DLG2: variants seen among roughly 807,000 people sequenced by gnomAD.
The protein encoded by DLG2 is disks large homolog 2.
DLG2 carries 45 observed loss-of-function variants against 132.5 expected under a neutral mutation model. The ratio of observed to expected loss-of-function variants is 0.34; its 90% CI spans 0.27 to 0.44. DLG2 has a LOEUF of 0.44. Among genes scored for constraint, DLG2 ranks in the 20% least tolerant of loss-of-function variants. The probability of loss-of-function intolerance (pLI) is 1.00; values close to 1 mark genes in which losing one functional copy is unlikely to be tolerated. For missense variants in DLG2, 1,045 were observed against 1,196.9 expected, an observed-to-expected ratio of 0.87 and a Z score of 1.87; for synonymous variants, 424 against 419.6, an observed-to-expected ratio of 1.01 and a Z score of -0.13.
chr11:83,873,986 T>C (rs2064015583), intron 16 of DLG2, among the ~76,000 whole-genome samples: 1 of 152,156 alleles, frequency 6.6e-6, no homozygotes, highest in Non-Finnish European at 1.5e-5. Context: ...TGAAGCCCTC[T>C]GGAGGGCAAG....
At chr11:85,341,590 G>A (rs531721654) in intron 3 of DLG2, among the ~76,000 whole-genome samples, 13 of 152,164 alleles carry the variant, frequency 8.5e-5, no homozygotes, top group Admixed American at 2.6e-4. Flanking sequence ...CCTTAGTCCC[G>A]ATCTTAGTAA....
intron 3 of DLG2, among the ~76,000 whole-genome samples, chr11:85,330,841 T>A (rs2081675741): frequency 6.6e-6 from 1 of 151,552 alleles, no homozygotes; most frequent in African/African-American, 2.4e-5. Flanking sequence ...TAAATTTTTT[T>A]ATTTCTTTTC....
intron 7 of DLG2, among the ~76,000 whole-genome samples, chr11:84,521,065 G>A (rs1448467339): frequency 6.6e-6 from 1 of 152,156 alleles, no homozygotes. Context: ...TATCTCATCA[G>A]AATTTACACA....
At chr11:84,046,696 A>G (rs1232119839) in intron 11 of DLG2, among the ~76,000 whole-genome samples, 1 of 151,498 alleles carries the variant, frequency 6.6e-6, no homozygotes, top group African/African-American at 2.4e-5. Context: ...ATCAACCTTT[A>G]TTTTGCAATT....
At chr11:85,040,123 T>C (rs2061732362) in intron 6 of DLG2, among the ~76,000 whole-genome samples, 1 of 151,902 alleles carries the variant, frequency 6.6e-6, no homozygotes, top group South Asian at 2.1e-4. Flanking sequence ...AGATCATAAA[T>C]TATAACCCTA....
chr11:83,989,975 A>C (rs1240725912), intron 11 of DLG2, among the ~76,000 whole-genome samples: 1 of 152,198 alleles, frequency 6.6e-6, no homozygotes, highest in African/African-American at 2.4e-5. Flanking sequence ...ACATGATGAC[A>C]AACTAGTCCA....
chr11:85,558,182 G>A (rs2077037064), intron 3 of DLG2, among the ~76,000 whole-genome samples: 1 of 151,728 alleles, frequency 6.6e-6, no homozygotes, highest in African/African-American at 2.4e-5. Context: ...ACACACAAGT[G>A]GCCAACAAAC....
intron 6 of DLG2, among the ~76,000 whole-genome samples, chr11:84,639,258 A>T (rs2099648207): frequency 1.3e-5 from 2 of 151,244 alleles, no homozygotes; most frequent in South Asian, 4.1e-4. Context: ...TCAACTAGCC[A>T]TACTTTTTAT....
At chr11:83,956,541 C>T (rs1019167169) in intron 14 of DLG2, among the ~76,000 whole-genome samples, 3 of 152,190 alleles carry the variant, frequency 2.0e-5, no homozygotes, top group Admixed American at 6.5e-5. Context: ...CTGGATCCCA[C>T]ACTCACTCAC....
At chr11:85,283,297 A>C (rs1273237073) in intron 4 of DLG2, among the ~76,000 whole-genome samples, 1 of 151,938 alleles carries the variant, frequency 6.6e-6, no homozygotes, top group Non-Finnish European at 1.5e-5. Flanking sequence ...TGAAAAATCA[A>C]AAATATCAAG....
At chr11:85,082,795 C>G (rs1415785812) in intron 6 of DLG2, among the ~76,000 whole-genome samples, 1 of 144,950 alleles carries the variant, frequency 6.9e-6, no homozygotes, top group Non-Finnish European at 1.5e-5. Context: ...GGCCTTGTTC[C>G]CCACAATTTA....
intron 6 of DLG2, among the ~76,000 whole-genome samples, chr11:84,794,248 C>T (rs1005657307): frequency 2.6e-5 from 4 of 152,184 alleles, no homozygotes; most frequent in Non-Finnish European, 5.9e-5. Flanking sequence ...CTTCATTGCA[C>T]ATTTTAAAAT....
At chr11:84,836,117 T>C (rs991746066) in intron 6 of DLG2, among the ~76,000 whole-genome samples, 1 of 151,744 alleles carries the variant, frequency 6.6e-6, no homozygotes, top group African/African-American at 2.4e-5. Flanking sequence ...TCTCTCATTA[T>C]CTCTGTAAAA....
At chr11:83,764,168 G>A (rs2094036558) in intron 18 of DLG2, among the ~76,000 whole-genome samples, 1 of 152,102 alleles carries the variant, frequency 6.6e-6, no homozygotes. Context: ...CTATCGCATG[G>A]CTGGAATCAC....
chr11:85,412,760 C>CACACACACATATATATATATATATAT (rs756868795), intron 3 of DLG2, among the ~76,000 whole-genome samples: 1 of 113,242 alleles, frequency 8.8e-6, no homozygotes, highest in Non-Finnish European at 1.8e-5. Context: ...CACACACACA[C>CACACACACATATATATATATATATAT]ATATATATAT....
intron 2 of DLG2, among the ~76,000 whole-genome samples, chr11:85,612,032 G>C (rs2081043790): frequency 6.6e-6 from 1 of 152,158 alleles, no homozygotes; most frequent in South Asian, 2.1e-4. Context: ...GAGAAGGAAA[G>C]AGAGGAAGAT....
At chr11:85,348,826 C>A (rs1053209772) in intron 3 of DLG2, among the ~76,000 whole-genome samples, 1 of 152,148 alleles carries the variant, frequency 6.6e-6, no homozygotes, top group East Asian at 1.9e-4. Flanking sequence ...CCCTTCATCT[C>A]CATCCCCATT....
At chr11:84,644,785 AAACT>A (rs1447110269) in intron 6 of DLG2, among the ~76,000 whole-genome samples, 1 of 151,708 alleles carries the variant, frequency 6.6e-6, no homozygotes, top group Non-Finnish European at 1.5e-5. Flanking sequence ...GGAGTGTGGG[AAACT>A]AATAATTCCT....
At chr11:83,685,172 C>A (rs73509225) in intron 18 of DLG2, among the ~76,000 whole-genome samples, 4,716 of 152,250 alleles carry the variant, frequency 0.031, 221 homozygotes, top group African/African-American at 0.1. Context: ...AACTTACTAA[C>A]AGATGGCACA....
Sources: gnomAD v4.1 joint callset for allele counts (sites outside exome capture counted in the v4.1 genomes callset) on GRCh38, gnomAD v4.1.1 for gene constraint, MANE v1.5 for transcripts, NCBI Gene and HGNC (gene_info 2026-07-23, HGNC 2026-07-21) for gene names.